The following WDR27 variants were observed in gnomAD, a reference collection of about 807,000 sequenced individuals.
WDR27 encodes the protein WD repeat domain 27.
In WDR27, 100 loss-of-function variants were observed where a neutral mutation model predicts 114.4. The observed-to-expected ratio is 0.87, with a 90% CI of 0.74 to 1.03. The LOEUF (loss-of-function observed/expected upper bound fraction) is 1.03. WDR27 is among the 50% of genes least tolerant of loss of function. The pLI, the probability that WDR27 is intolerant of heterozygous loss-of-function variation, is 0.00. For synonymous variants in WDR27, 449 were observed against 423.1 expected, an observed-to-expected ratio of 1.06 and a Z score of -0.75; for missense variants, 1,129 against 1,092.9, an observed-to-expected ratio of 1.03 and a Z score of -0.47.
rs192200976 is a variant in WDR27, at chr6:169,597,400, T to C, written c.2424+4819A>G. ...ATTTTTGACTGAAAGCTAAATGCTA[T>C]GTATATTACAAAAAAAACTCCCAAG... is the stretch of plus-strand genomic sequence containing the variant. On this transcript the variant is annotated intron_variant, in intron 23 of 25. Transcript: ENST00000448612. Among the ~76,000 whole-genome samples, 1,005 of 151,224 alleles carry C rather than the reference T, an allele frequency of 6.6e-3. 4 individuals carry two copies. Among genetic ancestry groups the C allele is most frequent in the Non-Finnish European group, 0.011 (769 of 67,974 alleles).
At position 169,701,606 on chromosome 6, in the gene WDR27, A is replaced by G. The variant is rs1788082845; in HGVS notation, c.-63T>C. 1 of 166,914 alleles carries G rather than the reference A, an allele frequency of 6.0e-6. No individual in the cohort carries two copies. Among genetic ancestry groups the G allele is most frequent in the African/African-American group, 2.4e-5 (1 of 41,494 alleles). The allele number at this position is 166,914 out of a possible 1,614,324, so 10.3% of individuals were successfully genotyped here. Reference sequence around the variant, plus strand: ...GCTCAGTTCTCAAAGCGCCGATCTCAAGCGGCCGCCCGGATGCTCCGGCCC... The same window carrying G: ...GCTCAGTTCTCAAAGCGCCGATCTCGAGCGGCCGCCCGGATGCTCCGGCCC... On this transcript the variant is annotated 5_prime_UTR_variant, in exon 1 of 26. Coordinates refer to ENST00000448612, the MANE Select transcript of WDR27 (RefSeq NM_182552.5).
chr6:169,509,177 C>T (rs1033319110), intron 25 of WDR27, among the ~76,000 whole-genome samples: 25 of 152,216 alleles, frequency 1.6e-4, no homozygotes, highest in African/African-American at 3.4e-4. Flanking sequence ...GTAGGAAGAA[C>T]CAATATCGTG....
rs558266858 is a variant in WDR27 at position 169,535,761 on chromosome 6, C to T, written c.2645+36658G>A. Among the ~76,000 whole-genome samples, 3 of 152,174 alleles carry T rather than the reference C, an allele frequency of 2.0e-5. No individual in the cohort carries two copies. The East Asian group carries it at 5.8e-4, about 29-fold the overall frequency. On this transcript the variant is annotated intron_variant, in intron 25 of 25. Coordinates refer to ENST00000448612, the MANE Select transcript of WDR27 (RefSeq NM_182552.5). ...CAGAACTTGGTAAGTCAGACAAGAG[C>T]AACAAAGGAGGTTCAAGATGAAGGT... is the stretch of plus-strand genomic sequence containing the variant.
chr6:169,564,706 G>A (rs997406124), intron 25 of WDR27, among the ~76,000 whole-genome samples: 1 of 30,908 alleles, frequency 3.2e-5, no homozygotes, highest in South Asian at 1.1e-3. Context: ...TGGCTCCCAC[G>A]AGACTCTCAG....
Position 169,659,303 on chromosome 6 carries a change from TCATAGCAGCGA to T in WDR27, c.1198-107_1198-97del. 6.4e-7 allele frequency: 1 copy of T among 1,553,896 alleles called. No individual in the cohort carries two copies. Among genetic ancestry groups the T allele is most frequent in the Non-Finnish European group, 8.7e-7 (1 of 1,144,900 alleles). ...ACGTATCCTAACAGCTGCTTCATTC[TCATAGCAGCGA>T]CATCGCCCTGTCACTCCTAAAACGT... On this transcript the variant is annotated intron_variant, in intron 11 of 25. Transcript: ENST00000448612. The surrounding 1 kb of genome is among the most constrained non-coding windows in gnomAD (Gnocchi z 4.3).
intron 2 of WDR27, among the ~76,000 whole-genome samples, chr6:169,680,966 C>T (rs1448687690): frequency 6.6e-6 from 1 of 152,124 alleles, no homozygotes; most frequent in East Asian, 1.9e-4. Context: ...TTCAATATGC[C>T]TCTTTCAATA....
intron 22 of WDR27, among the ~76,000 whole-genome samples, chr6:169,605,377 G>A (rs959349266): frequency 1.3e-5 from 2 of 151,544 alleles, no homozygotes; most frequent in African/African-American, 4.8e-5. Flanking sequence ...TAAAAACAAT[G>A]AAATACCTAG....
intron 17 of WDR27, among the ~76,000 whole-genome samples, chr6:169,642,602 G>C (rs1460722905): frequency 6.6e-6 from 1 of 152,202 alleles, no homozygotes; most frequent in Non-Finnish European, 1.5e-5. Context: ...TCTCCACCCA[G>C]ACCATGCAGG....
At chr6:169,696,191 G>A (rs1250222450) in intron 1 of WDR27, among the ~76,000 whole-genome samples, 1 of 152,112 alleles carries the variant, frequency 6.6e-6, no homozygotes, top group Non-Finnish European at 1.5e-5. Context: ...CCCTGCATAC[G>A]TCTACACAGT....
chr6:169,472,523 A>C (rs1309495531), intron 25 of WDR27, among the ~76,000 whole-genome samples: 3 of 152,188 alleles, frequency 2.0e-5, no homozygotes, highest in African/African-American at 7.2e-5. Flanking sequence ...ACTTATCTAA[A>C]AGTTGTAAGG....
chr6:169,655,771 G>GT (rs1824007335), intron 13 of WDR27, among the ~76,000 whole-genome samples: 1 of 152,190 alleles, frequency 6.6e-6, no homozygotes, highest in Non-Finnish European at 1.5e-5. Context: ...CCAGGCTAGA[G>GT]TGCAATGGCA....
intron 24 of WDR27, among the ~76,000 whole-genome samples, chr6:169,577,639 G>T (rs917766737): frequency 6.6e-6 from 1 of 152,202 alleles, no homozygotes; most frequent in Non-Finnish European, 1.5e-5. Flanking sequence ...AGCTTAGCCC[G>T]TGAGCCCCGC....
chr6:169,594,240 T>C (rs2494672), intron 23 of WDR27, among the ~76,000 whole-genome samples: 143,034 of 152,278 alleles, frequency 0.94, 67,248 homozygotes, highest in East Asian at 0.99. Context: ...AAGCAAGAAA[T>C]TTTTTGGTTT....
At chr6:169,605,112 A>AAAAAAAAAAAAAAAAAAAAAAC in intron 22 of WDR27, among the ~76,000 whole-genome samples, 1 of 146,132 alleles carries the variant, frequency 6.8e-6, no homozygotes, top group African/African-American at 2.5e-5. Context: ...ATTAGGCAAA[A>AAAAAAAAAAAAAAAAAAAAAAC]AAAAAAAAAA....
intron 25 of WDR27, among the ~76,000 whole-genome samples, chr6:169,481,440 A>T (rs1375811470): frequency 6.6e-6 from 1 of 152,240 alleles, no homozygotes; most frequent in Non-Finnish European, 1.5e-5. Flanking sequence ...CAACAGCAGC[A>T]ACCTGCTCGG....
chr6:169,664,177 C>A lies in WDR27; in HGVS notation c.893G>T (p.Cys298Phe). The A allele has an allele frequency of 6.3e-7, 1 of 1,595,416 alleles. No individual in the cohort carries two copies. Among genetic ancestry groups the A allele is most frequent in the East Asian group, 2.2e-5 (1 of 44,560 alleles). Residue 298 changes from cysteine (C) to phenylalanine (F), a missense_variant, in exon 8 of 26, where the codon TGC (cysteine) becomes TTC (phenylalanine). Transcript: ENST00000448612. ...FSTRRVKSGL[C>F]SQPEESQLPS... ...TCTGAGCAACCCACCTGGCTGGCTGCACAGCCCAGACTTAACCCTTCTTGT... is the reference window on the plus strand; with the variant it reads ...TCTGAGCAACCCACCTGGCTGGCTGAACAGCCCAGACTTAACCCTTCTTGT...
chr6:169,653,270 T>G (rs1330450592), intron 13 of WDR27, among the ~76,000 whole-genome samples: 1 of 152,194 alleles, frequency 6.6e-6, no homozygotes, highest in Admixed American at 6.5e-5. Flanking sequence ...TTCCAAAAAT[T>G]TTTTACTAGA....
intron 25 of WDR27, among the ~76,000 whole-genome samples, chr6:169,476,033 A>C (rs1787101117): frequency 6.6e-6 from 1 of 152,204 alleles, no homozygotes; most frequent in Non-Finnish European, 1.5e-5. Context: ...TGTTACTTAG[A>C]TCTTCTATGC....
chr6:169,577,110 G>A (rs1277041803), intron 24 of WDR27, among the ~76,000 whole-genome samples: 3 of 151,718 alleles, frequency 2.0e-5, no homozygotes, highest in Non-Finnish European at 4.4e-5. Flanking sequence ...AGTTACGTGG[G>A]CCACAAGAGG....
Sources: allele counts gnomAD v4.1 joint callset (sites outside exome capture counted in the v4.1 genomes callset), GRCh38; gene constraint gnomAD v4.1.1; non-coding constraint Gnocchi (gnomAD v3.1); transcripts MANE v1.5; gene names NCBI Gene and HGNC (gene_info 2026-07-23, HGNC 2026-07-21).